Variants in CFAP70 observed in about 807,000 individuals in gnomAD.
CFAP70 encodes the protein cilia and flagella associated protein 70, also known as cilia- and flagella-associated protein 70.
A neutral mutation model predicts 137.6 loss-of-function variants in CFAP70; 81 were observed. The observed-to-expected ratio is 0.59, with a 90% CI of 0.49 to 0.71. The LOEUF is 0.71. Ranked by LOEUF, CFAP70 falls within the 30% of genes least tolerant of loss-of-function variation. The probability of loss-of-function intolerance (pLI) is 0.00; values close to 1 mark genes in which losing one functional copy is unlikely to be tolerated. For missense variants in CFAP70, 976 were observed against 1,226.7 expected, an observed-to-expected ratio of 0.80 and a Z score of 3.05; for synonymous variants, 382 against 423.6, an observed-to-expected ratio of 0.90 and a Z score of 1.20.
chr10:73,256,642 GCCCATAAT>G (rs1310565386), intron 25 of CFAP70, among the ~76,000 whole-genome samples: 2 of 151,844 alleles, frequency 1.3e-5, no homozygotes, highest in African/African-American at 4.8e-5. Context: ...GGTGGCTCAT[GCCCATAAT>G]CCCAGCACTT....
chr10:73,359,920 A>G (rs1160723859), upstream of CFAP70, among the ~76,000 whole-genome samples: 1 of 152,116 alleles, frequency 6.6e-6, no homozygotes, highest in Non-Finnish European at 1.5e-5. Context: ...ACACACACAC[A>G]AAGCATCCTT....
At chr10:73,259,919 T>TG (rs1171267821) in intron 25 of CFAP70, among the ~76,000 whole-genome samples, 2 of 150,804 alleles carry the variant, frequency 1.3e-5, no homozygotes, top group Non-Finnish European at 3.0e-5. Context: ...CCCAGCTACT[T>TG]GGGGGGCTGA....
At chr10:73,319,586 A>T (rs10466029) in intron 9 of CFAP70, among the ~76,000 whole-genome samples, 15,679 of 152,164 alleles carry the variant, frequency 0.1, 1,162 homozygotes, top group East Asian at 0.31. Context: ...TGCCTTTAAA[A>T]ATCATTGCCT....
At position 73,314,611 on chromosome 10, in the gene CFAP70, GTTAT is replaced by G. The variant is rs527876721; in HGVS notation, c.913-1972_913-1969del. ...CATTACTTTTTTATTTTTTATTTTA[GTTAT>G]TTATTTATTTGAGACAGAGTCTCAC... is the stretch of plus-strand genomic sequence containing the variant. On this transcript the variant is annotated intron_variant, in intron 9 of 26. Coordinates refer to ENST00000310715, the Ensembl canonical transcript of CFAP70. Among the ~76,000 whole-genome samples the G allele has an allele frequency of 4.3e-4, 65 of 151,912 alleles. 1 individual carries two copies. The South Asian group carries it at 0.013, about 31-fold the overall frequency.
intron 12 of CFAP70, among the ~76,000 whole-genome samples, chr10:73,301,147 T>TTAAC (rs1452827075): frequency 1.3e-5 from 2 of 152,166 alleles, no homozygotes; most frequent in Non-Finnish European, 2.9e-5. Flanking sequence ...CGCTGAGATG[T>TTAAC]TAACGTTTGA....
At chr10:73,267,176 A>G (rs932476326) in intron 25 of CFAP70, among the ~76,000 whole-genome samples, 1 of 152,180 alleles carries the variant, frequency 6.6e-6, no homozygotes, top group South Asian at 2.1e-4. Flanking sequence ...TTCTACAGGT[A>G]ATTTGGGCTG....
At chr10:73,273,696 A>C (rs1235690052) in intron 23 of CFAP70, among the ~76,000 whole-genome samples, 1 of 152,204 alleles carries the variant, frequency 6.6e-6, no homozygotes, top group Non-Finnish European at 1.5e-5. Flanking sequence ...GATTTCTCTC[A>C]AGCCTATGTG....
At chr10:73,352,802 T>A (rs1434044332) in intron 3 of CFAP70, among the ~76,000 whole-genome samples, 1 of 152,246 alleles carries the variant, frequency 6.6e-6, no homozygotes, top group African/African-American at 2.4e-5. Flanking sequence ...TTTAACTATA[T>A]CCCACAAATT....
chr10:73,272,967 TG>T lies in CFAP70; in HGVS notation c.2885del (p.Ser962TyrfsTer6), dbSNP rs1564762759. 6.4e-7 allele frequency: 1 copy of T among 1,553,118 alleles called. No individual in the cohort carries two copies. ...TTCCCAGTCCTAGCCAGGTAAGGCATGAAGGTGATCTCTTACAGGCTTGCAT... is the reference window on the plus strand; with the variant it reads ...TTCCCAGTCCTAGCCAGGTAAGGCATAAGGTGATCTCTTACAGGCTTGCAT... On this transcript the variant is annotated frameshift_variant, in exon 24 of 27. Transcript: ENST00000310715. LOFTEE classifies it high-confidence loss of function.
At chr10:73,267,860 T>TATATA (rs2045915088) in intron 25 of CFAP70, among the ~76,000 whole-genome samples, 1 of 152,230 alleles carries the variant, frequency 6.6e-6, no homozygotes, top group Non-Finnish European at 1.5e-5. Flanking sequence ...ATAAGGTCCC[T>TATATA]GTTTCCTTGC....
chr10:73,356,435 C>T (rs962851777), intron 1 of CFAP70, among the ~76,000 whole-genome samples: 6 of 152,090 alleles, frequency 3.9e-5, no homozygotes, highest in African/African-American at 1.4e-4. Context: ...TAGGCTCAAG[C>T]AATCCACTCA....
chr10:73,310,352 A>C (rs1400999190), intron 11 of CFAP70, 103 bp from the exon 13 acceptor site: 1 of 679,020 alleles, frequency 1.5e-6, no homozygotes, highest in Non-Finnish European at 2.5e-6. Flanking sequence ...AGAAAACTGC[A>C]TATATAACTA....
intron 1 of CFAP70, 86 bp from the exon 2 acceptor site, chr10:73,354,921 A>C: frequency 1.3e-6 from 1 of 780,806 alleles, no homozygotes; most frequent in Non-Finnish European, 2.1e-6. Flanking sequence ...ACCAGGGAAA[A>C]CCTAAGGAAA....
intron 6 of CFAP70, among the ~76,000 whole-genome samples, chr10:73,338,368 T>C (rs1325427817): frequency 6.6e-6 from 1 of 151,762 alleles, no homozygotes; most frequent in Non-Finnish European, 1.5e-5. Flanking sequence ...TCAAGTGATC[T>C]GCCCGCCTTG....
chr10:73,297,012 A>T, intron 15 of CFAP70, 30 bp downstream of exon 16: 1 of 1,604,384 alleles, frequency 6.2e-7, no homozygotes, highest in Non-Finnish European at 8.5e-7. Context: ...CTACAGAGAA[A>T]AGAAAGTGCT....
intron 9 of CFAP70, among the ~76,000 whole-genome samples, chr10:73,318,817 C>G (rs544620216): frequency 7.9e-5 from 12 of 152,164 alleles, no homozygotes; most frequent in Non-Finnish European, 1.5e-4. Flanking sequence ...CAATTATTCC[C>G]TTGAAATAGT....
rs540498545 is a variant in CFAP70 at position 73,324,186 on chromosome 10, G to A, written c.778-1089C>T. The stretch of plus-strand genomic sequence containing the variant: ...CAGCATTCGTGGTTCATGAAAATCC[G>A]CTGTTCTGCAGCCACCGCTGCTGAT... On this transcript the variant is annotated intron_variant, in intron 8 of 26. Transcript: ENST00000310715. 8.8e-3 allele frequency among the ~76,000 whole-genome samples: 1,336 copies of A among 152,280 alleles called. 32 individuals are homozygous for A. The highest frequency in any genetic ancestry group is 0.03 in the African/African-American group (1,249 of 41,554).
chr10:73,258,744 A>C (rs1424250766), intron 25 of CFAP70, among the ~76,000 whole-genome samples: 1 of 152,208 alleles, frequency 6.6e-6, no homozygotes, highest in Non-Finnish European at 1.5e-5. Context: ...TAGGTCTCTA[A>C]AATGGCCGCT....
At chr10:73,290,303 A>G (rs925508274) in intron 19 of CFAP70, among the ~76,000 whole-genome samples, 2 of 152,200 alleles carry the variant, frequency 1.3e-5, no homozygotes, top group Non-Finnish European at 1.5e-5. Context: ...TGGAAATTCT[A>G]GAAAATTCCA....
Sources: gnomAD v4.1 joint callset for allele counts (sites outside exome capture counted in the v4.1 genomes callset) on GRCh38, gnomAD v4.1.1 for gene constraint, MANE v1.5 for transcripts, NCBI Gene and HGNC (gene_info 2026-07-23, HGNC 2026-07-21) for gene names.